Variants in MAP4K4 observed in about 807,000 individuals in gnomAD.
MAP4K4 encodes the protein mitogen-activated protein kinase kinase kinase kinase 4.
MAP4K4 carries 38 observed loss-of-function variants against 189.6 expected under a neutral mutation model. The ratio of observed to expected loss-of-function variants is 0.20; its 90% CI spans 0.15 to 0.26. The LOEUF is 0.26. Among genes scored for constraint, MAP4K4 ranks in the 10% least tolerant of loss-of-function variants. The probability of loss-of-function intolerance (pLI) is 1.00; values close to 1 mark genes in which losing one functional copy is unlikely to be tolerated. For synonymous variants in MAP4K4, 610 were observed against 624.3 expected, an observed-to-expected ratio of 0.98 and a Z score of 0.34; for missense variants, 1,054 against 1,726.9, an observed-to-expected ratio of 0.61 and a Z score of 6.91.
Position 101,842,593 on chromosome 2 carries a change from G to T in MAP4K4, c.950-16G>T, listed in dbSNP as rs993662753. 2 of 1,579,760 alleles carry T rather than the reference G, an allele frequency of 1.3e-6. No individual in the cohort carries two copies. Among genetic ancestry groups the T allele is most frequent in the Admixed American group, 1.8e-5 (1 of 56,104 alleles). ...ACTTGTGAACTGTCCCATTTATCTTGTCCTTTTCTTCATAGATGAAACTGA... is the reference window on the plus strand; with the variant it reads ...ACTTGTGAACTGTCCCATTTATCTTTTCCTTTTCTTCATAGATGAAACTGA... On this transcript the variant is annotated splice_polypyrimidine_tract_variant and intron_variant, in intron 10 of 32. Transcript: ENST00000324219.
exon 33 of MAP4K4, chr2:101,892,681 G>C: frequency 3.0e-6 from 1 of 336,590 alleles, no homozygotes; most frequent in South Asian, 2.3e-5. Context: ...CTGTGTTTTA[G>C]GTGTAATATC....
intron 3 of MAP4K4, among the ~76,000 whole-genome samples, chr2:101,816,135 T>A (rs1198338968): frequency 2.0e-5 from 3 of 152,218 alleles, no homozygotes; most frequent in Non-Finnish European, 4.4e-5. Flanking sequence ...AGCTGGAGTC[T>A]GCATGTGTTT....
At chr2:101,892,822 T>C (rs1352112883) in exon 33 of MAP4K4, 1 of 444,098 alleles carries the variant, frequency 2.3e-6, no homozygotes, top group African/African-American at 2.0e-5. Context: ...CATGGCTTCA[T>C]GGTCATCACT....
rs376954982 is a variant in MAP4K4, at chr2:101,823,894, G to A, written c.181-34G>A. On this transcript the variant is annotated intron_variant, in intron 3 of 32. Coordinates refer to ENST00000324219, the Ensembl canonical transcript of MAP4K4. ...GAAGTAAAGTCATTCACATCGTTCA[G>A]TAGCCACACATTTTATTTTTATTTT... 171 of 1,561,458 alleles carry A rather than the reference G, an allele frequency of 1.1e-4. No homozygotes were observed. The African/African-American group carries it at 2.1e-3, about 19-fold the overall frequency.
At chr2:101,697,914 G>C (rs1184859591) in exon 1 of MAP4K4, 2 of 172,694 alleles carry the variant, frequency 1.2e-5, no homozygotes, top group African/African-American at 2.5e-5. Flanking sequence ...CGAGCGGCCC[G>C]AGAGCGCAGC....
intron 7 of MAP4K4, among the ~76,000 whole-genome samples, chr2:101,832,369 A>G (rs1015988963): frequency 1.3e-5 from 2 of 152,206 alleles, no homozygotes; most frequent in African/African-American, 4.8e-5. Flanking sequence ...AACTCAGGTT[A>G]CTATGTTTAC....
chr2:101,729,687 C>G (rs1295077012), intron 2 of MAP4K4, among the ~76,000 whole-genome samples: 1 of 152,226 alleles, frequency 6.6e-6, no homozygotes, highest in Non-Finnish European at 1.5e-5. Flanking sequence ...CAGGGCCTCA[C>G]TATGTCTACA....
intron 3 of MAP4K4, among the ~76,000 whole-genome samples, chr2:101,819,521 T>G (rs2095913512): frequency 6.6e-6 from 1 of 152,228 alleles, no homozygotes; most frequent in Admixed American, 6.5e-5. Flanking sequence ...AGTCGTCTAT[T>G]TTAAAATCAT....
At chr2:101,779,332 G>A (rs1053257386) in intron 2 of MAP4K4, among the ~76,000 whole-genome samples, 2 of 152,094 alleles carry the variant, frequency 1.3e-5, no homozygotes, top group Non-Finnish European at 2.9e-5. Context: ...GAGTAGTCAG[G>A]GAAGGTGGTT....
At chr2:101,892,210 C>G (rs2098581325) in exon 33 of MAP4K4, 1 of 151,662 alleles carries the variant, frequency 6.6e-6, no homozygotes, top group Non-Finnish European at 1.5e-5. Context: ...TTTTTTTTGC[C>G]TACCTCATTG....
chr2:101,823,800 T>C, intron 3 of MAP4K4, 128 bp from the exon 4 acceptor site: 2 of 704,188 alleles, frequency 2.8e-6, no homozygotes, highest in South Asian at 2.0e-5. Context: ...ATAAAGTGAA[T>C]GTATATGTGC....
chr2:101,715,748 C>T (rs2048020057), intron 2 of MAP4K4, among the ~76,000 whole-genome samples: 1 of 152,014 alleles, frequency 6.6e-6, no homozygotes, highest in Non-Finnish European at 1.5e-5. Flanking sequence ...TCCAGGGGTC[C>T]CCGACTTCTG....
Position 101,842,700 on chromosome 2 carries a change from T to C in MAP4K4, c.1022+19T>C. 1 of 1,590,588 alleles carries C rather than the reference T, an allele frequency of 6.3e-7. No homozygotes were observed. Among genetic ancestry groups the C allele is most frequent in the Non-Finnish European group, 8.6e-7 (1 of 1,165,814 alleles). The stretch of plus-strand genomic sequence containing the variant: ...AGCCAAGGTAACCACAAAGCCACTG[T>C]TCAGTATCCTGCTTTATGAAGGGAT... On this transcript the variant is annotated intron_variant, in intron 11 of 32. Transcript: ENST00000324219.
At chr2:101,887,397 C>T in intron 30 of MAP4K4, 160 bp downstream of exon 30, 1 of 694,990 alleles carries the variant, frequency 1.4e-6, no homozygotes, top group South Asian at 2.3e-5. Context: ...GCTCCATGCT[C>T]TTAGACAAGT....
At chr2:101,748,430 T>C (rs2066762021) in intron 2 of MAP4K4, among the ~76,000 whole-genome samples, 3 of 152,220 alleles carry the variant, frequency 2.0e-5, no homozygotes, top group Non-Finnish European at 4.4e-5. Flanking sequence ...ATGACAAATT[T>C]ATTGAAGAAC....
chr2:101,721,673 G>C (rs966598761), intron 2 of MAP4K4, among the ~76,000 whole-genome samples: 3 of 152,120 alleles, frequency 2.0e-5, no homozygotes, highest in Non-Finnish European at 2.9e-5. Context: ...CTGACCTCGT[G>C]ATCCGCCCAC....
intron 31 of MAP4K4, 128 bp downstream of exon 31, chr2:101,888,065 G>A: frequency 1.4e-6 from 1 of 691,970 alleles, no homozygotes; most frequent in Non-Finnish European, 2.2e-6. Context: ...GTAGTTGGCA[G>A]TAGATGGTGG....
intron 32 of MAP4K4, among the ~76,000 whole-genome samples, chr2:101,890,526 G>A (rs150030281): frequency 0.012 from 1,758 of 152,158 alleles, 38 homozygotes; most frequent in African/African-American, 0.04. Flanking sequence ...GCGTGATCTC[G>A]GCTCACTGCA....
chr2:101,728,919 C>T (rs2056963417), intron 2 of MAP4K4, among the ~76,000 whole-genome samples: 1 of 152,142 alleles, frequency 6.6e-6, no homozygotes, highest in South Asian at 2.1e-4. Flanking sequence ...ATTCAGAAAC[C>T]TGGCAAAATT....
Sources: allele counts gnomAD v4.1 joint callset (sites outside exome capture counted in the v4.1 genomes callset), GRCh38; gene constraint gnomAD v4.1.1; transcripts MANE v1.5; gene names NCBI Gene and HGNC (gene_info 2026-07-23, HGNC 2026-07-21).